Variants in PPM1E observed in about 807,000 individuals in gnomAD.
PPM1E encodes protein phosphatase 1E.
PPM1E carries 20 observed loss-of-function variants against 65.9 expected under a neutral mutation model. That is an observed-to-expected ratio of 0.30 (90% CI 0.21 to 0.44). PPM1E has a LOEUF of 0.44. PPM1E is among the 20% of genes least tolerant of loss of function. PPM1E has a pLI of 1.00. For synonymous variants in PPM1E, 352 were observed against 374.9 expected (o/e 0.94, Z 0.70); for missense variants, 713 against 953.1 (o/e 0.75, Z 3.32).
In PPM1E at chr17:58,773,142, G is replaced by T. The variant is rs530295456; in HGVS notation, c.464+16681G>T. On this transcript the variant is annotated intron_variant, in intron 1 of 6. Transcript: ENST00000308249. ...AGGATAAGTATGTTTCTCTTTATCA[G>T]TATTCACTGTGTGACTTTATCTTTT... Among the ~76,000 whole-genome samples the T allele has an allele frequency of 6.6e-5, 10 of 152,028 alleles. No homozygotes were observed. In the East Asian group the frequency reaches 1.7e-3, roughly 27 times the overall value.
chr17:58,830,558 G>A (rs1431191128), intron 1 of PPM1E, among the ~76,000 whole-genome samples: 3 of 151,954 alleles, frequency 2.0e-5, no homozygotes, highest in South Asian at 2.1e-4. Context: ...CGCCCACCTC[G>A]GTCTCCCAAA....
Position 58,876,273 on chromosome 17 carries a change from T to C in PPM1E, c.465-79376T>C, listed in dbSNP as rs535026837. ...GAGCTTGATTAATTTTTAAAGGAGT[T>C]ATACTTTTGTTATCCTTAACTTTTA... On this transcript the variant is annotated intron_variant, in intron 1 of 6. Coordinates refer to ENST00000308249, the MANE Select transcript of PPM1E (RefSeq NM_014906.5). Among the ~76,000 whole-genome samples, 3 of 152,288 alleles carry C rather than the reference T, an allele frequency of 2.0e-5. 1 individual carries two copies. In the East Asian group the frequency reaches 5.8e-4, roughly 29 times the overall value.
chr17:58,852,400 A>G (rs1413486877), intron 1 of PPM1E, among the ~76,000 whole-genome samples: 1 of 151,948 alleles, frequency 6.6e-6, no homozygotes, highest in Non-Finnish European at 1.5e-5. Context: ...TGGAACCCTT[A>G]TTTTACATTT....
chr17:58,798,073 C>T (rs1039556325), intron 1 of PPM1E, among the ~76,000 whole-genome samples: 2 of 152,110 alleles, frequency 1.3e-5, no homozygotes, highest in African/African-American at 4.8e-5. Context: ...ATTTATATAA[C>T]TTCATTTGTA....
chr17:58,959,394 T>TCGAGA (rs941195988), intron 2 of PPM1E, among the ~76,000 whole-genome samples: 1 of 147,510 alleles, frequency 6.8e-6, no homozygotes, highest in Admixed American at 6.8e-5. Context: ...GGTCAGGAGA[T>TCGAGA]CGAGACCATC....
chr17:58,941,650 G>A lies in PPM1E; in HGVS notation c.465-13999G>A, dbSNP rs995184186. 4.4e-5 allele frequency among the ~76,000 whole-genome samples: 6 copies of A among 136,274 alleles called. No homozygotes were observed. In the Admixed American group the frequency reaches 4.9e-4, roughly 11 times the overall value. The allele number at this position is 136,274 out of a possible 152,430, so 89.4% of individuals were successfully genotyped here. On this transcript the variant is annotated intron_variant, in intron 1 of 6. Coordinates refer to ENST00000308249, the MANE Select transcript of PPM1E (RefSeq NM_014906.5). ...AGAGGTTGCAGTGAGCCGAGATCAT[G>A]TCACTGCACTCCAGCCTGGTGACAG...
At position 58,982,768 on chromosome 17, in the gene PPM1E, G is replaced by GA. The variant is rs2031436276; in HGVS notation, c.*1741dup. On this transcript the variant is annotated 3_prime_UTR_variant, in exon 7 of 7. Coordinates refer to ENST00000308249, the MANE Select transcript of PPM1E (RefSeq NM_014906.5). ...CTTCTCACGTCTGTGACAAATGGTT[G>GA]AAAAGGAGTCAACATGGCCCCAACT... The GA allele has an allele frequency of 1.6e-6, 1 of 622,212 alleles. No individual in the cohort carries two copies. Among genetic ancestry groups the GA allele is most frequent in the African/African-American group, 1.9e-5 (1 of 53,388 alleles). 38.5% of individuals were successfully genotyped at this position (622,212 alleles called of 1,614,324 possible). A position where few individuals can be genotyped will look rare whatever the true frequency, so the allele number is the denominator to read the frequency against.
rs537845241 is a variant in PPM1E, at chr17:58,867,289, C to CT, written c.465-88356dup. On this transcript the variant is annotated intron_variant, in intron 1 of 6. Transcript: ENST00000308249. ...CATCGCGCCCTGCCTGGATTTTAAG[C>CT]TTTTCAAAACGCAAAAATCATGTTA... is the stretch of plus-strand genomic sequence containing the variant. 4.6e-5 allele frequency among the ~76,000 whole-genome samples: 7 copies of CT among 152,292 alleles called. No individual in the cohort carries two copies. In the South Asian group the frequency reaches 1.5e-3, roughly 32 times the overall value.
At chr17:58,843,867 A>T (rs1396347115) in intron 1 of PPM1E, among the ~76,000 whole-genome samples, 1 of 152,124 alleles carries the variant, frequency 6.6e-6, no homozygotes, top group Non-Finnish European at 1.5e-5. Context: ...AACAATGAAG[A>T]TTGTAGGGGA....
chr17:58,772,974 C>CTT (rs66678128), intron 1 of PPM1E, among the ~76,000 whole-genome samples: 38 of 146,830 alleles, frequency 2.6e-4, no homozygotes, highest in African/African-American at 4.5e-4. Context: ...CTTTCTCTCT[C>CTT]TTTTTTTTTT....
At chr17:58,853,104 A>T (rs184553279) in intron 1 of PPM1E, among the ~76,000 whole-genome samples, 3 of 152,158 alleles carry the variant, frequency 2.0e-5, no homozygotes, top group African/African-American at 7.2e-5. Flanking sequence ...TTAAATTTTC[A>T]TAAAGTCCAG....
intron 1 of PPM1E, among the ~76,000 whole-genome samples, 165 bp downstream of exon 1, chr17:58,756,626 G>T (rs926568243): frequency 6.7e-6 from 1 of 148,842 alleles, no homozygotes; most frequent in Non-Finnish European, 1.5e-5. Context: ...CGGGCGGTCG[G>T]CTGAGAGCTG....
At chr17:58,971,821 T>C (rs1304765559) in intron 4 of PPM1E, among the ~76,000 whole-genome samples, 1 of 152,254 alleles carries the variant, frequency 6.6e-6, no homozygotes, top group Non-Finnish European at 1.5e-5. Flanking sequence ...TTCTGTCTTA[T>C]ATACTAATAG....
intron 1 of PPM1E, among the ~76,000 whole-genome samples, chr17:58,884,333 C>T (rs1255080379): frequency 6.6e-6 from 1 of 152,114 alleles, no homozygotes; most frequent in East Asian, 1.9e-4. Context: ...ATATTGCTTT[C>T]CTCACTGCCA....
At chr17:58,826,631 C>G (rs1176906037) in intron 1 of PPM1E, among the ~76,000 whole-genome samples, 1 of 151,832 alleles carries the variant, frequency 6.6e-6, no homozygotes, top group East Asian at 1.9e-4. Context: ...TGTTTTTACT[C>G]TTTTATTTTT....
At chr17:58,838,201 A>G (rs994430019) in intron 1 of PPM1E, among the ~76,000 whole-genome samples, 6 of 152,186 alleles carry the variant, frequency 3.9e-5, no homozygotes, top group Non-Finnish European at 7.3e-5. Flanking sequence ...TTGACTTTAA[A>G]CTTGTGTTCT....
chr17:58,904,197 GTCTT>G (rs536050081), intron 1 of PPM1E, among the ~76,000 whole-genome samples: 68 of 152,204 alleles, frequency 4.5e-4, no homozygotes, highest in African/African-American at 1.6e-3. Context: ...AGAAGTTGAA[GTCTT>G]TCTTATATAA....
At chr17:58,806,812 G>C (rs2050319983) in intron 1 of PPM1E, among the ~76,000 whole-genome samples, 1 of 149,176 alleles carries the variant, frequency 6.7e-6, no homozygotes, top group African/African-American at 2.5e-5. Flanking sequence ...CGATTCTCCT[G>C]CCTCAGCCTC....
intron 1 of PPM1E, among the ~76,000 whole-genome samples, chr17:58,795,967 C>T (rs1036943010): frequency 6.6e-6 from 1 of 152,040 alleles, no homozygotes; most frequent in Non-Finnish European, 1.5e-5. Flanking sequence ...ATATTTTCTC[C>T]CGTTCTGTAG....
Sources: allele counts gnomAD v4.1 joint callset (sites outside exome capture counted in the v4.1 genomes callset), GRCh38; gene constraint gnomAD v4.1.1; transcripts MANE v1.5; gene names NCBI Gene and HGNC (gene_info 2026-07-23, HGNC 2026-07-21).